The following CLNK variants were observed in gnomAD, a reference collection of about 807,000 sequenced individuals.
CLNK encodes the protein cytokine dependent hematopoietic cell linker, also known as cytokine-dependent hematopoietic cell linker.
Under a neutral mutation model 68.6 loss-of-function variants are expected in CLNK, and 74 were observed. The ratio of observed to expected loss-of-function variants is 1.08; its 90% confidence interval spans 0.89 to 1.31. The LOEUF (loss-of-function observed/expected upper bound fraction) is 1.31. Among genes scored for constraint, CLNK ranks in the 50% most tolerant of loss-of-function variants. The pLI is 0.00. For missense variants in CLNK, 553 were observed against 515.3 expected (o/e 1.07, Z -0.71); for synonymous variants, 198 against 172.2 (o/e 1.15, Z -1.17).
intron 2 of CLNK, among the ~76,000 whole-genome samples, chr4:10,633,953 G>C (rs967211084): frequency 6.6e-6 from 1 of 152,192 alleles, no homozygotes; most frequent in Non-Finnish European, 1.5e-5. Flanking sequence ...AGGCCAACTA[G>C]TGAGGTCAGA....
intron 16 of CLNK, among the ~76,000 whole-genome samples, chr4:10,509,274 G>A (rs1464940869): frequency 6.6e-6 from 1 of 152,068 alleles, no homozygotes; most frequent in Non-Finnish European, 1.5e-5. Context: ...TGATGTGATG[G>A]ACACCACATG....
At chr4:10,577,455 T>C (rs1215869926) in intron 4 of CLNK, among the ~76,000 whole-genome samples, 1 of 152,202 alleles carries the variant, frequency 6.6e-6, no homozygotes, top group African/African-American at 2.4e-5. Flanking sequence ...GCTTGCTGTT[T>C]AGCTGGGCAC....
chr4:10,631,249 C>T (rs564149898), intron 2 of CLNK, among the ~76,000 whole-genome samples: 31 of 152,316 alleles, frequency 2.0e-4, no homozygotes, highest in African/African-American at 6.3e-4. Context: ...AAAGCACATT[C>T]AAGTGTCTAA....
intron 8 of CLNK, among the ~76,000 whole-genome samples, chr4:10,557,456 G>A (rs958353612): frequency 1.3e-5 from 2 of 152,182 alleles, no homozygotes; most frequent in Admixed American, 6.5e-5. Context: ...GCCTGGGCTA[G>A]TGGTGTCCCG....
the CLNK span, among the ~76,000 whole-genome samples, chr4:10,699,671 C>T: frequency 9.3e-5 from 14 of 151,228 alleles, no homozygotes; most frequent in Non-Finnish European, 2.1e-4. Context: ...TGCCACCACA[C>T]CCTGCTAATT....
At chr4:10,535,769 G>A (rs1299801746) in intron 11 of CLNK, among the ~76,000 whole-genome samples, 1 of 152,004 alleles carries the variant, frequency 6.6e-6, no homozygotes, top group East Asian at 1.9e-4. Flanking sequence ...GTTTTGTTTT[G>A]AAGCTATCTG....
At chr4:10,716,637 CCTCT>C in the CLNK span, among the ~76,000 whole-genome samples, 1 of 150,920 alleles carries the variant, frequency 6.6e-6, no homozygotes, top group African/African-American at 2.4e-5. Flanking sequence ...GAAAACTTTC[CCTCT>C]CTACCAAAAG....
At chr4:10,540,449 C>G in intron 11 of CLNK, 45 bp downstream of exon 11, 2 of 1,460,152 alleles carry the variant, frequency 1.4e-6, no homozygotes, top group South Asian at 2.3e-5. Context: ...TCCCCCACAC[C>G]CACACTCTTG....
At chr4:10,667,934 G>A (rs930055464) in intron 1 of CLNK, 23 bp from the exon 2 acceptor site, 12 of 1,368,102 alleles carry the variant, frequency 8.8e-6, no homozygotes, top group East Asian at 2.4e-5. Flanking sequence ...AAGCAAACGC[G>A]TTACTGGAAC....
the CLNK span, among the ~76,000 whole-genome samples, chr4:10,722,384 C>T: frequency 1.3e-5 from 2 of 152,178 alleles, no homozygotes; most frequent in Admixed American, 6.5e-5. Context: ...GCCCCATCTC[C>T]CGCTAGCTCA....
At chr4:10,500,900 A>G (rs1315508192) in intron 18 of CLNK, among the ~76,000 whole-genome samples, 1 of 152,202 alleles carries the variant, frequency 6.6e-6, no homozygotes, top group East Asian at 1.9e-4. Flanking sequence ...AGGAATTCTG[A>G]CAGACATCAG....
At chr4:10,676,929 C>G (rs1724897588) in intron 1 of CLNK, among the ~76,000 whole-genome samples, 1 of 151,038 alleles carries the variant, frequency 6.6e-6, no homozygotes, top group South Asian at 2.1e-4. Context: ...TGCCAAAATC[C>G]TAACAGATAT....
chr4:10,556,680 G>T (rs1271223756), intron 8 of CLNK, among the ~76,000 whole-genome samples: 2 of 152,140 alleles, frequency 1.3e-5, no homozygotes, highest in African/African-American at 4.8e-5. Flanking sequence ...ATTGTGGTCT[G>T]GTCTGTGATC....
At chr4:10,699,510 A>ATTTT in the CLNK span, among the ~76,000 whole-genome samples, 497 of 19,400 alleles carry the variant, frequency 0.026, 15 homozygotes, top group Non-Finnish European at 0.043. Context: ...ATATATATAT[A>ATTTT]TATTTTTTTT....
intron 12 of CLNK, among the ~76,000 whole-genome samples, chr4:10,528,513 C>T (rs1282301402): frequency 6.6e-6 from 1 of 152,130 alleles, no homozygotes; most frequent in Admixed American, 6.5e-5. Flanking sequence ...AGTTAAATCA[C>T]TGGAAACAAT....
the CLNK span, among the ~76,000 whole-genome samples, chr4:10,714,673 C>T: frequency 7.2e-6 from 1 of 139,074 alleles, no homozygotes; most frequent in Admixed American, 7.8e-5. Flanking sequence ...TTAGATAATA[C>T]ATTCATTGTG....
intron 2 of CLNK, among the ~76,000 whole-genome samples, chr4:10,633,056 G>T (rs1722950808): frequency 6.6e-6 from 1 of 152,162 alleles, no homozygotes. Context: ...TCCTGTCTCA[G>T]CCTCCTGAGT....
the CLNK span, among the ~76,000 whole-genome samples, chr4:10,723,673 G>T: frequency 1.3e-5 from 2 of 151,980 alleles, no homozygotes; most frequent in African/African-American, 4.8e-5. Context: ...ACCCTTGTGC[G>T]GTAATAACAA....
chr4:10,498,575 A>C (rs1716908267), intron 18 of CLNK, among the ~76,000 whole-genome samples: 1 of 152,206 alleles, frequency 6.6e-6, no homozygotes, highest in Non-Finnish European at 1.5e-5. Flanking sequence ...AAGATATAGA[A>C]GGATAAAGGG....
Sources: gnomAD v4.1 joint callset for allele counts (sites outside exome capture counted in the v4.1 genomes callset) on GRCh38, gnomAD v4.1.1 for gene constraint, MANE v1.5 for transcripts, NCBI Gene and HGNC (gene_info 2026-07-23, HGNC 2026-07-21) for gene names.